Variants in TTC7A observed in about 807,000 individuals in gnomAD.
TTC7A encodes tetratricopeptide repeat domain 7A.
In TTC7A, 110 loss-of-function variants were observed where a neutral mutation model predicts 103.7. That is an observed-to-expected ratio of 1.06 (90% CI 0.91 to 1.24). The LOEUF is 1.24. Ranked by LOEUF, TTC7A falls within the 50% of genes most tolerant of loss-of-function variation. TTC7A has a pLI of 0.00. For missense variants in TTC7A, 1,340 were observed against 1,116.3 expected (o/e 1.20, Z -2.86); for synonymous variants, 521 against 467.9 (o/e 1.11, Z -1.47).
At position 46,975,005 on chromosome 2, in the gene TTC7A, G is replaced by A. The variant is rs769450594; in HGVS notation, c.550G>A (p.Ala184Thr). The A allele has an allele frequency of 1.2e-5, 19 of 1,613,802 alleles. No homozygotes were observed. Among genetic ancestry groups the A allele is most frequent in the Middle Eastern group, 1.6e-4 (1 of 6,074 alleles). The change falls in exon 4 of 20, where the codon GCC becomes ACC. Residue 184 changes from alanine to threonine, a missense_variant. Ala to Thr is a moderately conservative substitution (Grantham distance 58, BLOSUM62 0). Transcript: ENST00000319190. ...TCTGGAACGCCTACCCAACTCCATC[G>A]CCTCCCGCTTCCGCCTGACAGAGAG... ...LSLERLPNSIASRFRLTEREE... is the reference protein window; with the variant it reads ...LSLERLPNSITSRFRLTEREE...
chr2:47,047,725 G>A (rs1682468961), intron 16 of TTC7A, among the ~76,000 whole-genome samples: 1 of 152,234 alleles, frequency 6.6e-6, no homozygotes, highest in Non-Finnish European at 1.5e-5. Context: ...CTGCAGCCTT[G>A]TCTCCCAGCA....
intron 5 of TTC7A, among the ~76,000 whole-genome samples, chr2:46,982,848 T>G (rs1478558221): frequency 6.6e-6 from 1 of 152,028 alleles, no homozygotes; most frequent in Non-Finnish European, 1.5e-5. Flanking sequence ...GCACCTGTGG[T>G]CCTAGCTGCT....
chr2:47,050,245 G>A, intron 17 of TTC7A, 199 bp downstream of exon 17: 1 of 584,370 alleles, frequency 1.7e-6, no homozygotes, highest in Non-Finnish European at 3.1e-6. Flanking sequence ...AGTGGGCAGT[G>A]GGCAGGGGAG....
At chr2:46,969,232 G>T (rs1270301479) in intron 3 of TTC7A, among the ~76,000 whole-genome samples, 3 of 151,172 alleles carry the variant, frequency 2.0e-5, no homozygotes, top group African/African-American at 7.3e-5. Context: ...GGCCGGGCAC[G>T]GTGGCTCACA....
chr2:47,073,673 A>C (rs768583688), intron 19 of TTC7A, 29 bp from the exon 20 acceptor site: 1 of 1,607,412 alleles, frequency 6.2e-7, no homozygotes, highest in Admixed American at 1.7e-5. Context: ...GGACACCCCT[A>C]CTCACCCTGC....
chr2:47,030,747 C>T (rs1680440930), intron 15 of TTC7A, among the ~76,000 whole-genome samples: 1 of 152,192 alleles, frequency 6.6e-6, no homozygotes, highest in Admixed American at 6.5e-5. Context: ...CAGGTCCCCA[C>T]TGCTCACAGC....
intron 3 of TTC7A, among the ~76,000 whole-genome samples, chr2:46,958,878 T>C (rs1672136789): frequency 6.6e-6 from 1 of 152,178 alleles, no homozygotes; most frequent in Non-Finnish European, 1.5e-5. Context: ...ACTCCGTCTG[T>C]GAGCATGAGG....
chr2:46,957,233 A>G (rs564125657), intron 3 of TTC7A, among the ~76,000 whole-genome samples: 25 of 152,298 alleles, frequency 1.6e-4, no homozygotes, highest in African/African-American at 5.5e-4. Context: ...GTCAACAACA[A>G]TTACCCTACT....
At chr2:46,939,424 C>T (rs940189153), upstream of TTC7A, among the ~76,000 whole-genome samples, 5 of 152,174 alleles carry the variant, frequency 3.3e-5, no homozygotes, top group Middle Eastern at 0.01. Context: ...AGGGGTCCGG[C>T]GTATGTTGAG....
upstream of TTC7A, among the ~76,000 whole-genome samples, chr2:46,937,071 G>A (rs555064387): frequency 3.3e-5 from 5 of 152,036 alleles, no homozygotes; most frequent in Admixed American, 6.6e-5. The surrounding 1 kb of genome is among the most constrained non-coding windows in gnomAD (Gnocchi z 4.0). Flanking sequence ...GCCCAGGCTC[G>A]TCTCGAACTC....
intron 2 of TTC7A, among the ~76,000 whole-genome samples, chr2:46,934,935 G>C (rs1380055057): frequency 6.6e-6 from 1 of 151,460 alleles, no homozygotes; most frequent in African/African-American, 2.4e-5. Context: ...TGAGTAGCTG[G>C]AACTACAGGC....
chr2:46,983,095 T>C (rs1674636420), intron 5 of TTC7A, among the ~76,000 whole-genome samples: 1 of 152,224 alleles, frequency 6.6e-6, no homozygotes, highest in African/African-American at 2.4e-5. Flanking sequence ...CTGGCCCAAA[T>C]ATGAGTCACC....
Position 46,959,011 on chromosome 2 carries a change from A to G in TTC7A, c.517+2004A>G, listed in dbSNP as rs74646943. On this transcript the variant is annotated intron_variant, in intron 3 of 19. Coordinates refer to ENST00000319190, the MANE Select transcript of TTC7A (RefSeq NM_020458.4). Reference sequence around the variant, plus strand: ...TCTGAGCTGGTGTTCCCCTCATTCTATGTCGCGGATGAGGAGTTAAGGTTG... The same window carrying G: ...TCTGAGCTGGTGTTCCCCTCATTCTGTGTCGCGGATGAGGAGTTAAGGTTG... Among the ~76,000 whole-genome samples the G allele has an allele frequency of 9.1e-3, 1,391 of 152,170 alleles. 9 individuals are homozygous for G. Among genetic ancestry groups the G allele is most frequent in the Middle Eastern group, 0.017 (5 of 294 alleles).
At chr2:46,943,945 G>T (rs1194667522) in intron 1 of TTC7A, among the ~76,000 whole-genome samples, 1 of 152,224 alleles carries the variant, frequency 6.6e-6, no homozygotes, top group Non-Finnish European at 1.5e-5. Flanking sequence ...AAGATGAGCT[G>T]TGGGGACTCT....
At chr2:46,984,546 C>T (rs759330160) in intron 5 of TTC7A, among the ~76,000 whole-genome samples, 3 of 152,276 alleles carry the variant, frequency 2.0e-5, no homozygotes, top group Middle Eastern at 6.8e-3. Context: ...CATTGAGAGC[C>T]CCCCGACAGC....
In TTC7A at chr2:46,993,544, G is replaced by A; in HGVS notation, c.843+16G>A. 1 of 1,613,052 alleles carries A rather than the reference G, an allele frequency of 6.2e-7. No individual in the cohort carries two copies. The highest frequency in any genetic ancestry group is 8.5e-7 in the Non-Finnish European group (1 of 1,179,034). ...CTTCAAAGTGGTAATGTGGGGTGCT[G>A]GCAGTGCTGGCTTATTTAGGAGTCA... On this transcript the variant is annotated intron_variant, in intron 6 of 19. Coordinates refer to ENST00000319190, the MANE Select transcript of TTC7A (RefSeq NM_020458.4).
At chr2:47,005,849 TG>T in intron 8 of TTC7A, 72 bp from the exon 9 acceptor site, 4 of 1,551,100 alleles carry the variant, frequency 2.6e-6, no homozygotes, top group Non-Finnish European at 3.5e-6. Flanking sequence ...GCCAGCAAGG[TG>T]GGGGCCCTGC....
chr2:46,961,361 G>C (rs553321073), intron 3 of TTC7A, among the ~76,000 whole-genome samples: 1 of 152,234 alleles, frequency 6.6e-6, no homozygotes, highest in East Asian at 1.9e-4. Flanking sequence ...CAGATCACGA[G>C]GTCAGGAGAT....
chr2:46,940,714 G>T (rs1489002228), upstream of TTC7A, among the ~76,000 whole-genome samples: 2 of 152,242 alleles, frequency 1.3e-5, no homozygotes, highest in Non-Finnish European at 2.9e-5. This position sits in a 1 kb window ranked among gnomAD's most constrained non-coding sequence, Gnocchi z 4.7. Flanking sequence ...GCTCCCAGCA[G>T]AGGGGCGTCC....
Sources: allele counts gnomAD v4.1 joint callset (sites outside exome capture counted in the v4.1 genomes callset), GRCh38; gene constraint gnomAD v4.1.1; non-coding constraint Gnocchi (gnomAD v3.1); transcripts MANE v1.5; gene names NCBI Gene and HGNC (gene_info 2026-07-23, HGNC 2026-07-21).